Variants in CORIN observed in about 807,000 individuals in gnomAD.
The protein encoded by CORIN is atrial natriuretic peptide-converting enzyme.
A neutral mutation model predicts 125.3 loss-of-function variants in CORIN; 117 were observed. The observed-to-expected ratio is 0.93, with a 90% CI of 0.80 to 1.09. The LOEUF is 1.09. Ranked by LOEUF, CORIN falls within the 50% of genes least tolerant of loss-of-function variation. The pLI is 0.00. For synonymous variants in CORIN, 450 were observed against 466.4 expected (o/e 0.96, Z 0.45); for missense variants, 1,253 against 1,306.7 (o/e 0.96, Z 0.63).
chr4:47,782,751 C>T (rs191080394), intron 3 of CORIN, among the ~76,000 whole-genome samples: 6 of 152,132 alleles, frequency 3.9e-5, no homozygotes, highest in African/African-American at 1.2e-4. Flanking sequence ...TGCTATATCA[C>T]GGATGCATTC....
chr4:47,662,559 T>C (rs1724299702), intron 11 of CORIN, among the ~76,000 whole-genome samples: 1 of 152,180 alleles, frequency 6.6e-6, no homozygotes, highest in African/African-American at 2.4e-5. Context: ...TTACTTCTTT[T>C]TTTACTTCTT....
At chr4:47,648,081 A>G (rs1392665117) in intron 13 of CORIN, among the ~76,000 whole-genome samples, 2 of 152,214 alleles carry the variant, frequency 1.3e-5, no homozygotes, top group East Asian at 1.9e-4. Flanking sequence ...GAGAGATATT[A>G]GTTACATGGG....
intron 4 of CORIN, among the ~76,000 whole-genome samples, chr4:47,747,364 A>G (rs2109842192): frequency 6.6e-6 from 1 of 152,320 alleles, no homozygotes; most frequent in African/African-American, 2.4e-5. Flanking sequence ...GAAATTCCAG[A>G]TACCATTTAA....
chr4:47,633,240 A>G (rs1464715043), intron 16 of CORIN, among the ~76,000 whole-genome samples: 5 of 152,220 alleles, frequency 3.3e-5, no homozygotes, highest in Non-Finnish European at 2.9e-5. Context: ...TTTATATTTC[A>G]TAAAATAAAC....
chr4:47,660,737 A>G (rs73142026), intron 12 of CORIN, among the ~76,000 whole-genome samples: 1 of 152,344 alleles, frequency 6.6e-6, no homozygotes, highest in African/African-American at 2.4e-5. Flanking sequence ...GAGAATGCAA[A>G]TTGGTACAAC....
At chr4:47,811,215 A>G (rs1283114637) in intron 1 of CORIN, among the ~76,000 whole-genome samples, 2 of 152,156 alleles carry the variant, frequency 1.3e-5, no homozygotes, top group African/African-American at 4.8e-5. Context: ...GCATGATGAG[A>G]AAAAACAACG....
chr4:47,679,712 T>A (rs1418821184), intron 8 of CORIN: 2 of 158,006 alleles, frequency 1.3e-5, no homozygotes, highest in Non-Finnish European at 2.8e-5. Context: ...CTGACGATTC[T>A]TTCCATGTTC....
chr4:47,707,828 G>C (rs980835319), intron 5 of CORIN, among the ~76,000 whole-genome samples: 2 of 152,198 alleles, frequency 1.3e-5, no homozygotes, highest in Admixed American at 6.5e-5. Context: ...GAGGGGAGTA[G>C]TAAATTACAA....
At chr4:47,696,264 G>A (rs1195295247) in intron 5 of CORIN, among the ~76,000 whole-genome samples, 30 of 152,076 alleles carry the variant, frequency 2.0e-4, no homozygotes, top group Admixed American at 2.0e-3. Flanking sequence ...GGATGACAAA[G>A]GGAGATTCCA....
intron 6 of CORIN, among the ~76,000 whole-genome samples, chr4:47,688,370 C>T (rs1320053319): frequency 6.6e-6 from 1 of 152,140 alleles, no homozygotes; most frequent in African/African-American, 2.4e-5. Flanking sequence ...GAAGCTGTGG[C>T]AGGCTGATCA....
intron 19 of CORIN, among the ~76,000 whole-genome samples, chr4:47,609,916 C>T (rs1042909269): frequency 1.1e-4 from 16 of 152,136 alleles, no homozygotes; most frequent in African/African-American, 3.6e-4. Context: ...CATCCATGTC[C>T]CTGCAAATGA....
At chr4:47,780,332 A>G (rs1730481338) in intron 3 of CORIN, among the ~76,000 whole-genome samples, 1 of 152,182 alleles carries the variant, frequency 6.6e-6, no homozygotes, top group African/African-American at 2.4e-5. Flanking sequence ...AGGAAAGGAG[A>G]AGAAATGAAG....
Position 47,655,242 on chromosome 4 carries a change from A to G in CORIN, c.1736-1582T>C, listed in dbSNP as rs368292749. ...GCTGGCTTCAGGTGTAACTCAGCACATTCCCAGCTGTGATGGCTACAGGGA... is the reference window on the plus strand; with the variant it reads ...GCTGGCTTCAGGTGTAACTCAGCACGTTCCCAGCTGTGATGGCTACAGGGA... On this transcript the variant is annotated intron_variant, in intron 12 of 21. Coordinates refer to ENST00000273857, the MANE Select transcript of CORIN (RefSeq NM_006587.4). Among the ~76,000 whole-genome samples, 17 of 152,044 alleles carry G rather than the reference A, an allele frequency of 1.1e-4. 1 individual carries two copies. The South Asian group carries it at 1.2e-3, about 11-fold the overall frequency.
chr4:47,778,566 C>T lies in CORIN; in HGVS notation c.409+8159G>A, dbSNP rs117387567. On this transcript the variant is annotated intron_variant, in intron 3 of 21. Transcript: ENST00000273857. ...GAAGAAGAGAATCCATTCTTATATT[C>T]GAGCTACTTTTCTCTCTCTAGAATT... Among the ~76,000 whole-genome samples the T allele has an allele frequency of 6.6e-5, 10 of 152,276 alleles. No homozygotes were observed. In the East Asian group the frequency reaches 1.7e-3, roughly 26 times the overall value.
chr4:47,622,041 T>C (rs1047437562), intron 19 of CORIN, among the ~76,000 whole-genome samples: 2 of 110,372 alleles, frequency 1.8e-5, no homozygotes, highest in African/African-American at 7.2e-5. Context: ...GATATTCCCC[T>C]TCCTGTGTCC....
chr4:47,837,660 G>C (rs1733513519), intron 1 of CORIN, among the ~76,000 whole-genome samples: 1 of 152,222 alleles, frequency 6.6e-6, no homozygotes. Context: ...GGAGGGTCTC[G>C]GACGCCGGGC....
At chr4:47,766,083 G>A (rs764569948) in intron 3 of CORIN, among the ~76,000 whole-genome samples, 3 of 152,166 alleles carry the variant, frequency 2.0e-5, no homozygotes, top group African/African-American at 7.2e-5. Context: ...GCTCAAAATC[G>A]AATCTGGAGT....
chr4:47,706,263 T>C, intron 5 of CORIN: 3 of 703,864 alleles, frequency 4.3e-6, no homozygotes, highest in South Asian at 3.7e-5. Context: ...GAAAAGTTCT[T>C]CCGAAATTTG....
chr4:47,657,349 C>T (rs1178546018), intron 12 of CORIN, among the ~76,000 whole-genome samples: 5 of 151,818 alleles, frequency 3.3e-5, no homozygotes, highest in African/African-American at 1.2e-4. Context: ...CTGGCTAACA[C>T]AGTAAAACCC....
Sources: allele counts gnomAD v4.1 joint callset (sites outside exome capture counted in the v4.1 genomes callset), GRCh38; gene constraint gnomAD v4.1.1; transcripts MANE v1.5; gene names NCBI Gene and HGNC (gene_info 2026-07-23, HGNC 2026-07-21).